Variants in METTL24 observed in about 807,000 individuals in gnomAD.
METTL24 encodes the protein probable methyltransferase-like protein 24.
METTL24 carries 29 observed loss-of-function variants against 32.7 expected under a neutral mutation model. That is an observed-to-expected ratio of 0.89 (90% CI 0.66 to 1.21). The LOEUF (loss-of-function observed/expected upper bound fraction) is 1.21. METTL24 is among the 50% of genes most tolerant of loss of function. The pLI is 0.00. For synonymous variants in METTL24, 163 were observed against 179.5 expected, an observed-to-expected ratio of 0.91 and a Z score of 0.73; for missense variants, 439 against 468.1, an observed-to-expected ratio of 0.94 and a Z score of 0.57.
At chr6:110,270,451 G>A (rs1770935754) in intron 4 of METTL24, among the ~76,000 whole-genome samples, 1 of 152,102 alleles carries the variant, frequency 6.6e-6, no homozygotes, top group African/African-American at 2.4e-5. Flanking sequence ...CATTTATGGG[G>A]CTAAGCAGAC....
chr6:110,288,948 G>A (rs1284368577), intron 4 of METTL24, among the ~76,000 whole-genome samples: 2 of 152,174 alleles, frequency 1.3e-5, no homozygotes, highest in African/African-American at 2.4e-5. Flanking sequence ...TGGAGCTATA[G>A]CATAAAACTA....
chr6:110,316,215 A>T (rs376232307), intron 2 of METTL24, among the ~76,000 whole-genome samples: 6 of 152,342 alleles, frequency 3.9e-5, no homozygotes, highest in African/African-American at 1.4e-4. Flanking sequence ...TTCTTAACTC[A>T]TCCATCAAAA....
At chr6:110,252,357 C>T (rs1778297229) in intron 4 of METTL24, among the ~76,000 whole-genome samples, 2 of 152,132 alleles carry the variant, frequency 1.3e-5, no homozygotes, top group African/African-American at 4.8e-5. Context: ...CTGCCTTGTC[C>T]CTGTGGCCTT....
intron 3 of METTL24, among the ~76,000 whole-genome samples, chr6:110,303,255 C>T (rs879417175): frequency 1.3e-5 from 2 of 152,102 alleles, no homozygotes; most frequent in Non-Finnish European, 2.9e-5. Context: ...AGACACTGAG[C>T]TAGCTGCAGG....
At chr6:110,337,764 T>C (rs563435940) in intron 1 of METTL24, among the ~76,000 whole-genome samples, 1 of 152,370 alleles carries the variant, frequency 6.6e-6, no homozygotes, top group South Asian at 2.1e-4. Flanking sequence ...CCACTTATTC[T>C]TCAGACTCTA....
chr6:110,288,022 C>A (rs182451706), intron 4 of METTL24, among the ~76,000 whole-genome samples: 1 of 152,294 alleles, frequency 6.6e-6, no homozygotes, highest in Non-Finnish European at 1.5e-5. Context: ...AAATCAGATA[C>A]GATAGGCTGC....
chr6:110,299,974 T>A (rs1022534384), intron 3 of METTL24, among the ~76,000 whole-genome samples: 1 of 152,202 alleles, frequency 6.6e-6, no homozygotes, highest in Non-Finnish European at 1.5e-5. Flanking sequence ...ATATGTGATT[T>A]AGGATACCAA....
chr6:110,292,542 A>G (rs745778930), intron 4 of METTL24, among the ~76,000 whole-genome samples: 10 of 151,848 alleles, frequency 6.6e-5, no homozygotes, highest in Non-Finnish European at 1.3e-4. Flanking sequence ...GATTTGTTGA[A>G]GCCCTTCTAT....
At chr6:110,283,967 T>C (rs1307316634) in intron 4 of METTL24, among the ~76,000 whole-genome samples, 3 of 152,156 alleles carry the variant, frequency 2.0e-5, no homozygotes, top group South Asian at 4.1e-4. Context: ...ATGCAATCTA[T>C]ACATATGGCA....
At chr6:110,334,158 C>CGA (rs1367861680) in intron 1 of METTL24, among the ~76,000 whole-genome samples, 1 of 152,156 alleles carries the variant, frequency 6.6e-6, no homozygotes, top group Non-Finnish European at 1.5e-5. Flanking sequence ...ATCTTCCCCA[C>CGA]GAGAGAACCT....
chr6:110,283,652 C>A (rs1771174332), intron 4 of METTL24, among the ~76,000 whole-genome samples: 1 of 152,186 alleles, frequency 6.6e-6, no homozygotes, highest in Admixed American at 6.6e-5. Flanking sequence ...ATTTCCATAG[C>A]ACACCGTATT....
At chr6:110,264,219 T>C (rs368505316) in intron 4 of METTL24, among the ~76,000 whole-genome samples, 1 of 151,826 alleles carries the variant, frequency 6.6e-6, no homozygotes, top group Non-Finnish European at 1.5e-5. Flanking sequence ...TGCAATCTAC[T>C]CATCTGACAA....
chr6:110,334,054 G>T (rs190976407), intron 1 of METTL24, among the ~76,000 whole-genome samples: 4 of 150,736 alleles, frequency 2.7e-5, no homozygotes, highest in East Asian at 2.0e-4. Context: ...GAAAAAAAGT[G>T]GGGGGAGGAA....
chr6:110,311,985 C>T (rs1011614167), intron 3 of METTL24, among the ~76,000 whole-genome samples: 10 of 152,072 alleles, frequency 6.6e-5, no homozygotes, highest in East Asian at 5.8e-4. Flanking sequence ...ATATTTTCTC[C>T]CATTCAACAG....
intron 1 of METTL24, among the ~76,000 whole-genome samples, chr6:110,353,414 G>T (rs1045513490): frequency 1.1e-4 from 17 of 152,106 alleles, no homozygotes; most frequent in Non-Finnish European, 2.2e-4. Context: ...GACATATCAG[G>T]GGGCATCCCA....
intron 3 of METTL24, among the ~76,000 whole-genome samples, chr6:110,305,858 T>A (rs1012576118): frequency 7.2e-5 from 11 of 152,192 alleles, no homozygotes; most frequent in African/African-American, 2.4e-4. Flanking sequence ...ATCATTCTAC[T>A]ATAAAGGCAC....
At chr6:110,313,463 AGG>A (rs1374791305) in intron 3 of METTL24, among the ~76,000 whole-genome samples, 1 of 152,260 alleles carries the variant, frequency 6.6e-6, no homozygotes, top group Non-Finnish European at 1.5e-5. Flanking sequence ...CTGAAGTATA[AGG>A]AAAGCAAAAA....
chr6:110,279,310 A>AAATAGTGTAAT (rs1299695461), intron 4 of METTL24, among the ~76,000 whole-genome samples: 6 of 152,210 alleles, frequency 3.9e-5, no homozygotes, highest in Non-Finnish European at 2.9e-5. Context: ...TATCAAAGAG[A>AAATAGTGTAAT]TACCCTAAGT....
chr6:110,265,392 AAT>A (rs1293977148), intron 4 of METTL24, among the ~76,000 whole-genome samples: 2 of 152,218 alleles, frequency 1.3e-5, no homozygotes, highest in Non-Finnish European at 2.9e-5. Context: ...TTTAAAGGCA[AAT>A]ATAGCATGGC....
Sources: allele counts gnomAD v4.1 joint callset (sites outside exome capture counted in the v4.1 genomes callset), GRCh38; gene constraint gnomAD v4.1.1; transcripts MANE v1.5; gene names NCBI Gene and HGNC (gene_info 2026-07-23, HGNC 2026-07-21).